Variants in CHN1 observed in about 807,000 individuals in gnomAD.
The protein encoded by CHN1 is N-chimaerin.
Under a neutral mutation model 59.5 loss-of-function variants are expected in CHN1, and 37 were observed. The ratio of observed to expected loss-of-function variants is 0.62; its 90% CI spans 0.48 to 0.82. CHN1 has a LOEUF of 0.82. CHN1 is among the 40% of genes least tolerant of loss of function. The pLI is 0.00. For synonymous variants in CHN1, 206 were observed against 200.4 expected, an observed-to-expected ratio of 1.03 and a Z score of -0.24; for missense variants, 469 against 571.0, an observed-to-expected ratio of 0.82 and a Z score of 1.82.
In CHN1 at chr2:174,915,202, C is replaced by T. The variant is rs757134387; in HGVS notation, c.147-31G>A. 4.2e-5 allele frequency: 64 copies of T among 1,512,550 alleles called. 1 individual carries two copies. The highest frequency in any genetic ancestry group is 5.7e-5 in the Non-Finnish European group (63 of 1,100,138). 93.7% of individuals were successfully genotyped at this position (1,512,550 alleles called of 1,614,324 possible). A position where few individuals can be genotyped will look rare whatever the true frequency, so the allele number is the denominator to read the frequency against. ...AAACAAAGTCTATTCAGAAACTGTG[C>T]TTTCTACATTTTTCAATAAAACAAG... On this transcript the variant is annotated intron_variant, in intron 4 of 12. Transcript: ENST00000409900.
At chr2:174,824,034 C>G (rs1307561102) in intron 8 of CHN1, among the ~76,000 whole-genome samples, 1 of 152,174 alleles carries the variant, frequency 6.6e-6, no homozygotes, top group Non-Finnish European at 1.5e-5. Context: ...AACAAGTTAT[C>G]TTTAAAATTC....
chr2:174,962,668 G>C (rs951635767), intron 1 of CHN1, among the ~76,000 whole-genome samples: 3 of 76,926 alleles, frequency 3.9e-5, no homozygotes, highest in East Asian at 5.4e-4. Flanking sequence ...AGGCCCGGGG[G>C]GGGGGGGGGG....
At chr2:174,975,307 A>ATATCCAAGC (rs1690886923) in intron 1 of CHN1, among the ~76,000 whole-genome samples, 1 of 152,178 alleles carries the variant, frequency 6.6e-6, no homozygotes, top group Non-Finnish European at 1.5e-5. Flanking sequence ...AATTTTTAAA[A>ATATCCAAGC]TATCCAAGCC....
chr2:174,969,068 C>G (rs755638295), intron 1 of CHN1, among the ~76,000 whole-genome samples: 1 of 152,116 alleles, frequency 6.6e-6, no homozygotes, highest in African/African-American at 2.4e-5. Flanking sequence ...GTGAAATGTA[C>G]TACCTTTCTA....
chr2:174,814,742 A>T (rs2646156), intron 8 of CHN1, among the ~76,000 whole-genome samples: 10,840 of 152,232 alleles, frequency 0.071, 1,267 homozygotes, highest in African/African-American at 0.25. Flanking sequence ...GTTGTCAATC[A>T]GCTTAAGGTC....
intron 3 of CHN1, among the ~76,000 whole-genome samples, chr2:174,940,639 T>C (rs570968742): frequency 6.6e-6 from 1 of 152,328 alleles, no homozygotes; most frequent in South Asian, 2.1e-4. Context: ...TAGATTTAAG[T>C]TAAACAGTTT....
chr2:174,861,253 A>G (rs925933238), intron 6 of CHN1, among the ~76,000 whole-genome samples: 4 of 152,154 alleles, frequency 2.6e-5, no homozygotes, highest in Admixed American at 2.0e-4. Flanking sequence ...GGTAGAATGT[A>G]TGGAATATAC....
At chr2:174,859,469 G>A (rs768543435) in intron 6 of CHN1, among the ~76,000 whole-genome samples, 3 of 152,044 alleles carry the variant, frequency 2.0e-5, no homozygotes, top group African/African-American at 7.2e-5. Flanking sequence ...TTAATAATCC[G>A]GTACTAATTC....
In CHN1 at chr2:174,807,848, A is replaced by G. The variant is rs116799935; in HGVS notation, c.1102+1057T>C. Among the ~76,000 whole-genome samples the G allele has an allele frequency of 2.6e-3, 392 of 152,306 alleles. 1 individual carries two copies. The highest frequency in any genetic ancestry group is 4.4e-3 in the Non-Finnish European group (296 of 68,026). Reference sequence around the variant, plus strand: ...AAATTCCCAAGTCAAAAAGCAAATTAGTGTTACTAAGGAAGTGATGTTATC... The same window carrying G: ...AAATTCCCAAGTCAAAAAGCAAATTGGTGTTACTAAGGAAGTGATGTTATC... On this transcript the variant is annotated intron_variant, in intron 11 of 12. Coordinates refer to ENST00000409900, the MANE Select transcript of CHN1 (RefSeq NM_001822.7).
At chr2:174,932,718 C>G (rs914992800) in intron 3 of CHN1, among the ~76,000 whole-genome samples, 33 of 152,056 alleles carry the variant, frequency 2.2e-4, no homozygotes, top group African/African-American at 7.5e-4. Context: ...AGAGTTCTCA[C>G]GAGATTTGGT....
At chr2:174,833,919 G>A (rs191658282) in intron 7 of CHN1, among the ~76,000 whole-genome samples, 18 of 151,282 alleles carry the variant, frequency 1.2e-4, no homozygotes, top group Admixed American at 8.6e-4. Flanking sequence ...AGCCTCTTAC[G>A]CAGTGGGAAC....
intron 5 of CHN1, among the ~76,000 whole-genome samples, chr2:174,901,727 G>T (rs1282861005): frequency 6.6e-6 from 1 of 152,048 alleles, no homozygotes; most frequent in Non-Finnish European, 1.5e-5. Flanking sequence ...AAAAAATAAT[G>T]TTTGTCTTTG....
intron 3 of CHN1, among the ~76,000 whole-genome samples, chr2:174,934,131 A>G (rs557904496): frequency 3.0e-4 from 46 of 152,342 alleles, no homozygotes; most frequent in Admixed American, 2.5e-3. Flanking sequence ...CATTACATTT[A>G]GTGTGTACTT....
intron 8 of CHN1, among the ~76,000 whole-genome samples, chr2:174,814,457 C>G (rs1276817196): frequency 6.6e-6 from 1 of 152,184 alleles, no homozygotes; most frequent in Non-Finnish European, 1.5e-5. Context: ...TCTCCTGTCT[C>G]CTGAATATTT....
At chr2:174,863,486 C>T (rs1687126304) in intron 6 of CHN1, among the ~76,000 whole-genome samples, 1 of 152,058 alleles carries the variant, frequency 6.6e-6, no homozygotes, top group African/African-American at 2.4e-5. Flanking sequence ...CACTGCTACT[C>T]TTCTAAATTT....
chr2:174,922,252 G>A (rs1367173784), intron 3 of CHN1, among the ~76,000 whole-genome samples: 1 of 152,102 alleles, frequency 6.6e-6, no homozygotes, highest in Admixed American at 6.5e-5. Flanking sequence ...ATGATAAAAT[G>A]TTACTCAAAA....
chr2:174,992,332 A>G (rs1691569314), intron 1 of CHN1, among the ~76,000 whole-genome samples: 1 of 152,226 alleles, frequency 6.6e-6, no homozygotes, highest in Non-Finnish European at 1.5e-5. Context: ...CTTGGGAATC[A>G]TTCACACGGT....
At chr2:174,883,969 T>TG (rs1292891917) in intron 5 of CHN1, among the ~76,000 whole-genome samples, 5 of 147,166 alleles carry the variant, frequency 3.4e-5, no homozygotes, top group African/African-American at 9.9e-5. Flanking sequence ...TAACTTCTTT[T>TG]TTTTTTTTTT....
At position 174,936,158 on chromosome 2, in the gene CHN1, C is replaced by A. The variant is rs559418637; in HGVS notation, c.114+8730G>T. 3.6e-4 allele frequency among the ~76,000 whole-genome samples: 55 copies of A among 152,230 alleles called. 1 individual carries two copies. The highest frequency in any genetic ancestry group is 7.2e-4 in the Non-Finnish European group (49 of 68,016). ...CTAGAGAAAGACAACCTCATTGTTA[C>A]TATAATGTGCACCTGTACTCAAAAA... On this transcript the variant is annotated intron_variant, in intron 3 of 12. Transcript: ENST00000409900.
Sources: allele counts gnomAD v4.1 joint callset (sites outside exome capture counted in the v4.1 genomes callset), GRCh38; gene constraint gnomAD v4.1.1; transcripts MANE v1.5; gene names NCBI Gene and HGNC (gene_info 2026-07-23, HGNC 2026-07-21).